PDE4B: variants seen among roughly 807,000 people sequenced by gnomAD.
PDE4B encodes the protein 3',5'-cyclic-AMP phosphodiesterase 4B.
A neutral mutation model predicts 82.2 loss-of-function variants in PDE4B; 20 were observed. The ratio of observed to expected loss-of-function variants is 0.24; its 90% CI spans 0.17 to 0.35. PDE4B has a LOEUF of 0.35. PDE4B is among the 10% of genes least tolerant of loss of function. The probability of loss-of-function intolerance (pLI) is 1.00; values close to 1 mark genes in which losing one functional copy is unlikely to be tolerated. For synonymous variants in PDE4B, 320 were observed against 318.9 expected (o/e 1.00, Z -0.04); for missense variants, 655 against 907.2 (o/e 0.72, Z 3.57).
At chr1:66,310,504 A>C (rs958854520) in intron 7 of PDE4B, among the ~76,000 whole-genome samples, 1 of 152,210 alleles carries the variant, frequency 6.6e-6, no homozygotes, top group African/African-American at 2.4e-5. Flanking sequence ...TCAGAAAAAA[A>C]GTATCTTTAA....
intron 3 of PDE4B, among the ~76,000 whole-genome samples, chr1:66,069,326 G>A (rs1006812350): frequency 5.9e-5 from 9 of 151,834 alleles, no homozygotes; most frequent in African/African-American, 9.7e-5. Flanking sequence ...ATAAAGCTTC[G>A]TTTATTGTGA....
At chr1:65,796,691 C>A (rs1214112175) in intron 1 of PDE4B, among the ~76,000 whole-genome samples, 2 of 148,262 alleles carry the variant, frequency 1.3e-5, no homozygotes, top group Non-Finnish European at 3.0e-5. Flanking sequence ...ACTCTGTCAC[C>A]CAGGCTGGAG....
intron 3 of PDE4B, among the ~76,000 whole-genome samples, chr1:66,203,081 G>T (rs1398920020): frequency 3.5e-5 from 5 of 144,642 alleles, no homozygotes; most frequent in African/African-American, 1.3e-4. Context: ...TGTCTGTAAA[G>T]TATTTTATTT....
At chr1:66,348,912 G>A (rs1661612952) in intron 8 of PDE4B, among the ~76,000 whole-genome samples, 1 of 151,986 alleles carries the variant, frequency 6.6e-6, no homozygotes, top group Non-Finnish European at 1.5e-5. Flanking sequence ...AGAGAATGTT[G>A]GATCATGAGA....
intron 3 of PDE4B, among the ~76,000 whole-genome samples, chr1:66,202,260 C>T (rs1163633324): frequency 6.6e-6 from 1 of 151,782 alleles, no homozygotes; most frequent in African/African-American, 2.4e-5. Context: ...GAGTGTTTTA[C>T]TACCAACTAT....
At chr1:66,310,094 G>C (rs1658563055) in intron 7 of PDE4B, among the ~76,000 whole-genome samples, 1 of 152,164 alleles carries the variant, frequency 6.6e-6, no homozygotes, top group South Asian at 2.1e-4. Flanking sequence ...GAGGGCCTCT[G>C]ATAGAGGAAC....
intron 3 of PDE4B, among the ~76,000 whole-genome samples, chr1:66,170,194 G>A (rs772355481): frequency 6.6e-6 from 1 of 152,156 alleles, no homozygotes; most frequent in South Asian, 2.1e-4. Flanking sequence ...GTAGGTGTTG[G>A]TGATGCTATG....
intron 1 of PDE4B, among the ~76,000 whole-genome samples, chr1:65,809,287 C>T (rs1295083321): frequency 1.6e-5 from 2 of 128,132 alleles, no homozygotes; most frequent in Non-Finnish European, 3.1e-5. Flanking sequence ...ACTGAGATTG[C>T]ACCACTGCAA....
intron 8 of PDE4B, among the ~76,000 whole-genome samples, chr1:66,337,149 A>T (rs1660586298): frequency 6.6e-6 from 1 of 152,230 alleles, no homozygotes; most frequent in Non-Finnish European, 1.5e-5. Context: ...AGGAATATTC[A>T]TGCCACTTTT....
chr1:65,958,567 A>G (rs1649374870), intron 3 of PDE4B, among the ~76,000 whole-genome samples: 1 of 152,122 alleles, frequency 6.6e-6, no homozygotes, highest in Non-Finnish European at 1.5e-5. Context: ...TCACCTATAC[A>G]ATATCTGGGT....
intron 1 of PDE4B, among the ~76,000 whole-genome samples, chr1:65,823,566 A>G (rs1645980619): frequency 6.6e-6 from 1 of 151,522 alleles, no homozygotes; most frequent in Non-Finnish European, 1.5e-5. Context: ...TGTTTGCAGT[A>G]CTCTTTTTAC....
intron 3 of PDE4B, among the ~76,000 whole-genome samples, chr1:66,161,527 A>G (rs1051953734): frequency 2.0e-5 from 3 of 152,114 alleles, no homozygotes; most frequent in Middle Eastern, 3.2e-3. Flanking sequence ...GTTCATATTG[A>G]TATGATATTG....
chr1:66,262,097 G>A (rs958398437), intron 6 of PDE4B, among the ~76,000 whole-genome samples: 3 of 152,302 alleles, frequency 2.0e-5, no homozygotes, highest in South Asian at 2.1e-4. Flanking sequence ...GAACATGTAT[G>A]TAATCTTCAG....
At chr1:66,128,634 T>C (rs947849248) in intron 3 of PDE4B, among the ~76,000 whole-genome samples, 17 of 152,214 alleles carry the variant, frequency 1.1e-4, no homozygotes, top group Admixed American at 7.9e-4. Flanking sequence ...CACATAATAG[T>C]CTGGCTTTGC....
chr1:65,849,800 T>TTTA (rs770710526), intron 1 of PDE4B, among the ~76,000 whole-genome samples: 24 of 152,298 alleles, frequency 1.6e-4, no homozygotes, highest in Non-Finnish European at 3.2e-4. Flanking sequence ...TTTTCTCTAT[T>TTTA]GTCTTTTTGG....
chr1:66,044,108 A>G (rs566324264), intron 3 of PDE4B, among the ~76,000 whole-genome samples: 59 of 151,742 alleles, frequency 3.9e-4, no homozygotes, highest in African/African-American at 1.4e-3. Flanking sequence ...AATTATTTCA[A>G]CCTAATTTTT....
chr1:65,933,433 C>T (rs781190002), intron 3 of PDE4B, among the ~76,000 whole-genome samples: 1 of 152,188 alleles, frequency 6.6e-6, no homozygotes, highest in Non-Finnish European at 1.5e-5. Context: ...TGGCTCATGC[C>T]TGTAATCCCA....
At chr1:65,974,870 C>CT (rs894173097) in intron 3 of PDE4B, among the ~76,000 whole-genome samples, 3 of 152,100 alleles carry the variant, frequency 2.0e-5, no homozygotes, top group Non-Finnish European at 2.9e-5. Flanking sequence ...AATTATACCT[C>CT]TTTTTTTCAT....
chr1:65,907,052 G>C (rs1647034757), intron 1 of PDE4B, among the ~76,000 whole-genome samples: 1 of 152,100 alleles, frequency 6.6e-6, no homozygotes, highest in African/African-American at 2.4e-5. Context: ...TAAATATTGA[G>C]CAACTTTACA....
Sources: allele counts gnomAD v4.1 joint callset (sites outside exome capture counted in the v4.1 genomes callset), GRCh38; gene constraint gnomAD v4.1.1; transcripts MANE v1.5; gene names NCBI Gene and HGNC (gene_info 2026-07-23, HGNC 2026-07-21).